Variants in PTPRD observed in about 807,000 individuals in gnomAD.
The protein encoded by PTPRD is receptor-type tyrosine-protein phosphatase delta.
A neutral mutation model predicts 214.5 loss-of-function variants in PTPRD; 34 were observed. That is an observed-to-expected ratio of 0.16 (90% confidence interval 0.12 to 0.21). The LOEUF is 0.21. PTPRD is among the 10% of genes least tolerant of loss of function. The probability of loss-of-function intolerance (pLI) is 1.00; values close to 1 mark genes in which losing one functional copy is unlikely to be tolerated. For synonymous variants in PTPRD, 1,128 were observed against 845.7 expected (o/e 1.33, Z -5.79); for missense variants, 2,545 against 2,398.7 (o/e 1.06, Z -1.27).
chr9:10,328,094 CTT>C (rs767200135), intron 3 of PTPRD, among the ~76,000 whole-genome samples: 7 of 151,794 alleles, frequency 4.6e-5, no homozygotes, highest in Admixed American at 2.6e-4. Flanking sequence ...AACAAAAAAA[CTT>C]TTGACTCAGT....
At chr9:10,285,179 C>T (rs73400363) in intron 3 of PTPRD, among the ~76,000 whole-genome samples, 1,883 of 152,014 alleles carry the variant, frequency 0.012, 39 homozygotes, top group African/African-American at 0.043. Context: ...GTAAAATAAC[C>T]CAGTCCTCCA....
At chr9:9,344,536 T>C (rs1367524096) in intron 9 of PTPRD, among the ~76,000 whole-genome samples, 2 of 152,058 alleles carry the variant, frequency 1.3e-5, no homozygotes, top group African/African-American at 2.4e-5. Flanking sequence ...CTCATCTTTT[T>C]AATGAATAAA....
intron 11 of PTPRD, among the ~76,000 whole-genome samples, chr9:8,959,927 C>T (rs2099150250): frequency 6.6e-6 from 1 of 152,056 alleles, no homozygotes; most frequent in Non-Finnish European, 1.5e-5. Flanking sequence ...TCGAGTACCT[C>T]ACCTATCATG....
chr9:9,287,588 A>T (rs1033748532), intron 9 of PTPRD, among the ~76,000 whole-genome samples: 8 of 151,898 alleles, frequency 5.3e-5, no homozygotes, highest in Non-Finnish European at 7.4e-5. Context: ...TAAATCTGTG[A>T]GTCTAAATGC....
intron 3 of PTPRD, among the ~76,000 whole-genome samples, chr9:10,055,885 G>A (rs1331116977): frequency 4.0e-5 from 6 of 151,340 alleles, no homozygotes; most frequent in Admixed American, 3.9e-4. Context: ...ATATATAAAT[G>A]TATAATGTAT....
chr9:9,176,865 C>T (rs977011875), intron 10 of PTPRD, among the ~76,000 whole-genome samples: 6 of 151,968 alleles, frequency 3.9e-5, no homozygotes, highest in East Asian at 1.9e-4. Context: ...ATTACTCATG[C>T]GGGGGTATTG....
chr9:9,086,183 A>T (rs1366429625), intron 10 of PTPRD, among the ~76,000 whole-genome samples: 1 of 152,202 alleles, frequency 6.6e-6, no homozygotes, highest in Non-Finnish European at 1.5e-5. Flanking sequence ...TTTTCACTAA[A>T]GATGACTTTT....
intron 11 of PTPRD, among the ~76,000 whole-genome samples, chr9:8,911,866 A>C (rs949953785): frequency 6.6e-6 from 1 of 152,162 alleles, no homozygotes; most frequent in Non-Finnish European, 1.5e-5. Context: ...TTGAACAGAC[A>C]TTTTATCAAA....
At position 9,451,981 on chromosome 9, in the gene PTPRD, G is replaced by T. The variant is rs1198403068; in HGVS notation, c.-236-54499C>A. Among the ~76,000 whole-genome samples, 5 of 151,236 alleles carry T rather than the reference G, an allele frequency of 3.3e-5. No homozygotes were observed. In the East Asian group the frequency reaches 5.8e-4, roughly 18 times the overall value. The stretch of plus-strand genomic sequence containing the variant: ...AATTTCTAGAAAGAGATAGCAAAAA[G>T]AATAGAATTATCATACGTACAGTAT... On this transcript the variant is annotated intron_variant, in intron 8 of 45. Transcript: ENST00000381196.
At chr9:9,521,792 T>C (rs2096979366) in intron 8 of PTPRD, among the ~76,000 whole-genome samples, 3 of 152,170 alleles carry the variant, frequency 2.0e-5, no homozygotes, top group South Asian at 4.1e-4. Flanking sequence ...TATTCTGTGG[T>C]ACTAATTGCA....
chr9:10,104,079 C>T (rs555131492), intron 3 of PTPRD, among the ~76,000 whole-genome samples: 1 of 151,674 alleles, frequency 6.6e-6, no homozygotes, highest in Non-Finnish European at 1.5e-5. Flanking sequence ...AGGACAAATA[C>T]TGTTCGATTC....
chr9:10,516,305 T>A (rs1343953196), intron 2 of PTPRD, among the ~76,000 whole-genome samples: 1 of 151,944 alleles, frequency 6.6e-6, no homozygotes, highest in Admixed American at 6.6e-5. Context: ...GGTTTTGATT[T>A]GCACTTCTTG....
intron 9 of PTPRD, among the ~76,000 whole-genome samples, chr9:9,386,489 G>A (rs978871788): frequency 6.6e-6 from 1 of 152,102 alleles, no homozygotes; most frequent in Non-Finnish European, 1.5e-5. Context: ...CTTCAACAGG[G>A]CAGTGGTGAG....
chr9:9,128,514 G>C (rs947570756), intron 10 of PTPRD, among the ~76,000 whole-genome samples: 1 of 152,070 alleles, frequency 6.6e-6, no homozygotes, highest in Non-Finnish European at 1.5e-5. Context: ...CTTATTTTGT[G>C]GCTAAATGAT....
At chr9:9,666,920 C>A (rs1266868044) in intron 7 of PTPRD, among the ~76,000 whole-genome samples, 3 of 151,858 alleles carry the variant, frequency 2.0e-5, no homozygotes, top group Non-Finnish European at 4.4e-5. Context: ...AATGCAAAAG[C>A]CTTGAGTTTG....
chr9:9,385,085 C>T (rs2063480250), intron 9 of PTPRD, among the ~76,000 whole-genome samples: 1 of 152,012 alleles, frequency 6.6e-6, no homozygotes, highest in Admixed American at 6.6e-5. Flanking sequence ...GTTGAACAAA[C>T]ACAGGTCTTC....
chr9:9,901,640 G>A (rs570514823), intron 5 of PTPRD, among the ~76,000 whole-genome samples: 4 of 151,968 alleles, frequency 2.6e-5, no homozygotes, highest in East Asian at 1.9e-4. Context: ...TTCTTTCTCC[G>A]AAGCTAGTGG....
chr9:8,769,801 A>C lies in PTPRD; in HGVS notation c.-103-35855T>G, dbSNP rs141398501. 3.0e-3 allele frequency among the ~76,000 whole-genome samples: 460 copies of C among 151,710 alleles called. 2 individuals carry two copies. The highest frequency in any genetic ancestry group is 0.01 in the African/African-American group (416 of 41,152). ...TGCTTGTAAATAGTTCAAAATTTAC[A>C]ATTAGAAAAAAAAAAAAATACATAG... is the stretch of plus-strand genomic sequence containing the variant. On this transcript the variant is annotated intron_variant, in intron 11 of 45. Coordinates refer to ENST00000381196, the MANE Select transcript of PTPRD (RefSeq NM_002839.4).
intron 3 of PTPRD, among the ~76,000 whole-genome samples, chr9:10,184,920 AAGC>A (rs2154312034): frequency 6.6e-6 from 1 of 152,304 alleles, no homozygotes; most frequent in South Asian, 2.1e-4. Flanking sequence ...GGAAGACTTA[AAGC>A]ACATGTAATA....
Sources: allele counts gnomAD v4.1 joint callset (sites outside exome capture counted in the v4.1 genomes callset), GRCh38; gene constraint gnomAD v4.1.1; transcripts MANE v1.5; gene names NCBI Gene and HGNC (gene_info 2026-07-23, HGNC 2026-07-21).